The following PCDHGA6 variants were observed in gnomAD, a reference collection of about 807,000 sequenced individuals.
PCDHGA6 encodes the protein protocadherin gamma-A6.
Under a neutral mutation model 60.6 loss-of-function variants are expected in PCDHGA6, and 41 were observed. The ratio of observed to expected loss-of-function variants is 0.68; its 90% CI spans 0.53 to 0.88. PCDHGA6 has a LOEUF of 0.88. Ranked by LOEUF, PCDHGA6 falls within the 40% of genes least tolerant of loss-of-function variation. The probability of loss-of-function intolerance (pLI) is 0.00; values close to 1 mark genes in which losing one functional copy is unlikely to be tolerated. For missense variants in PCDHGA6, 1,312 were observed against 1,203.0 expected (o/e 1.09, Z -1.34); for synonymous variants, 594 against 524.4 (o/e 1.13, Z -1.81).
In PCDHGA6 at chr5:141,487,917, CTACAGTGCACAGGG is replaced by C; in HGVS notation, c.2425-6879_2425-6866del. On this transcript the variant is annotated intron_variant, in intron 1 of 3. Coordinates refer to ENST00000517434, the MANE Select transcript of PCDHGA6 (RefSeq NM_018919.3). The surrounding 1 kb of genome is among the most constrained non-coding windows in gnomAD (Gnocchi z 5.0). ...TGATGGAATGTGGGAGCACAGGAGG[CTACAGTGCACAGGG>C]TACAGTGCACCAGGCAGTCACTTGG... 1 of 647,994 alleles carries C rather than the reference CTACAGTGCACAGGG, an allele frequency of 1.5e-6. No homozygotes were observed. The highest frequency in any genetic ancestry group is 2.7e-6 in the Non-Finnish European group (1 of 377,182). 40.1% of individuals were successfully genotyped at this position (647,994 alleles called of 1,614,324 possible).
chr5:141,449,537 C>T (rs1377909573), intron 1 of PCDHGA6, among the ~76,000 whole-genome samples: 1 of 146,330 alleles, frequency 6.8e-6, no homozygotes, highest in Non-Finnish European at 1.5e-5. Flanking sequence ...TGCAGTGAGC[C>T]GAGATCGCAC....
Position 141,506,991 on chromosome 5 carries a change from C to T in PCDHGA6, c.2572+1510C>T, listed in dbSNP as rs190455068. 3 of 152,366 alleles carry T rather than the reference C, an allele frequency of 2.0e-5. No homozygotes were observed. In the East Asian group the frequency reaches 5.8e-4, roughly 29 times the overall value. The allele number at this position is 152,366 out of a possible 1,614,324, so 9.4% of individuals were successfully genotyped here. A position where few individuals can be genotyped will look rare whatever the true frequency, so the allele number is the denominator to read the frequency against. The stretch of plus-strand genomic sequence containing the variant: ...TGCAAGGCAGGTCTGATTTCTCACA[C>T]TCGACAGATGAGAGAACCGAGAAGG... On this transcript the variant is annotated intron_variant, in intron 3 of 3. Coordinates refer to ENST00000517434, the MANE Select transcript of PCDHGA6 (RefSeq NM_018919.3).
chr5:141,511,276 T>A lies in PCDHGA6; in HGVS notation c.*103T>A. ...AGAGTTTCAGGGCTAACCCCCAGAA[T>A]ACTGGTAGGGGCCAAGGCCATGCTC... On this transcript the variant is annotated 3_prime_UTR_variant, in exon 4 of 4. Coordinates refer to ENST00000517434, the MANE Select transcript of PCDHGA6 (RefSeq NM_018919.3). 6.5e-7 allele frequency: 1 copy of A among 1,538,086 alleles called. No homozygotes were observed. Among genetic ancestry groups the A allele is most frequent in the Non-Finnish European group, 8.8e-7 (1 of 1,140,722 alleles).
chr5:141,502,655 C>T (rs72790073), intron 2 of PCDHGA6, among the ~76,000 whole-genome samples: 29,437 of 152,034 alleles, frequency 0.19, 2,877 homozygotes, highest in Middle Eastern at 0.24. Context: ...AGGCAGCAAC[C>T]CTTCATGCAA....
intron 1 of PCDHGA6, among the ~76,000 whole-genome samples, chr5:141,483,517 CCTGA>C (rs72004558): frequency 0.16 from 24,470 of 151,950 alleles, 2,064 homozygotes; most frequent in African/African-American, 0.21. Context: ...CCCCCTAGAT[CCTGA>C]CTAAGGAAGC....
At chr5:141,472,455 G>A (rs191633108) in intron 1 of PCDHGA6, among the ~76,000 whole-genome samples, 2 of 151,972 alleles carry the variant, frequency 1.3e-5, no homozygotes, top group South Asian at 2.1e-4. Context: ...CAGGAGAATC[G>A]CTTGAACCCA....
At chr5:141,494,979 T>C in intron 2 of PCDHGA6, 114 bp downstream of exon 2, 1 of 1,571,464 alleles carries the variant, frequency 6.4e-7, no homozygotes, top group Admixed American at 1.8e-5. Flanking sequence ...TCCCTCAGTT[T>C]GAGATCCCAG....
chr5:141,461,778 C>CA (rs1280703059), intron 1 of PCDHGA6, among the ~76,000 whole-genome samples: 6 of 152,052 alleles, frequency 3.9e-5, no homozygotes, highest in Non-Finnish European at 7.4e-5. Context: ...CTCAGCCTCC[C>CA]AAGTAGCTGG....
Position 141,476,387 on chromosome 5 carries a change from C to G in PCDHGA6, c.2425-18420C>G, listed in dbSNP as rs147660262. Reference sequence around the variant, plus strand: ...GACCGGAGAGATGTTTGTGAACGACCGTCTGGATCGAGAGGAGCTGTGTGG... The same window carrying G: ...GACCGGAGAGATGTTTGTGAACGACGGTCTGGATCGAGAGGAGCTGTGTGG... On this transcript the variant is annotated intron_variant, in intron 1 of 3. Coordinates refer to ENST00000517434, the MANE Select transcript of PCDHGA6 (RefSeq NM_018919.3). The surrounding 1 kb of genome is among the most constrained non-coding windows in gnomAD (Gnocchi z 7.6). 3.6e-4 allele frequency: 587 copies of G among 1,614,076 alleles called. No individual in the cohort carries two copies. The highest frequency in any genetic ancestry group is 4.7e-4 in the Non-Finnish European group (549 of 1,180,024).
chr5:141,375,763 C>G lies in PCDHGA6; in HGVS notation c.1680C>G (p.Pro560=). 6.2e-7 allele frequency: 1 copy of G among 1,614,242 alleles called. No homozygotes were observed. Among genetic ancestry groups the G allele is most frequent in the South Asian group, 1.1e-5 (1 of 91,086 alleles). The change falls in exon 1 of 4, where the codon CCC becomes CCG. Residue 560 remains proline (P), a synonymous_variant. Coordinates refer to ENST00000517434, the MANE Select transcript of PCDHGA6 (RefSeq NM_018919.3). ...TGCTGGACCAGAATGACAATGCGCC[C>G]GAGATCCTGTACCCCGCCCTCCCCA... is the stretch of plus-strand genomic sequence containing the variant. The part of the protein sequence containing the change: ...LFVLDQNDNA[P]EILYPALPTD...
intron 1 of PCDHGA6, chr5:141,427,746 T>A: frequency 7.9e-7 from 1 of 1,272,038 alleles, no homozygotes; most frequent in African/African-American, 1.5e-5. Flanking sequence ...AGTCTCCTAC[T>A]CCATCGTTAC....
chr5:141,394,802 C>A, intron 1 of PCDHGA6: 1 of 1,613,810 alleles, frequency 6.2e-7, no homozygotes, highest in East Asian at 2.2e-5. Context: ...TCACCGTAGC[C>A]GTGGCTGACA....
chr5:141,381,826 C>CTTCTTTTTTTTTTTTTT (rs1777532522), intron 1 of PCDHGA6, among the ~76,000 whole-genome samples: 2 of 74,284 alleles, frequency 2.7e-5, no homozygotes, highest in African/African-American at 1.2e-4. Flanking sequence ...CTTTCTTCTT[C>CTTCTTTTTTTTTTTTTT]TTTTTTTTTT....
chr5:141,464,260 G>A (rs546781463), intron 1 of PCDHGA6, among the ~76,000 whole-genome samples: 1 of 131,668 alleles, frequency 7.6e-6, no homozygotes, highest in Non-Finnish European at 1.6e-5. Flanking sequence ...GCGAGACTCC[G>A]TCTAAAAAAA....
intron 1 of PCDHGA6, among the ~76,000 whole-genome samples, chr5:141,463,726 A>G (rs6888081): frequency 0.29 from 44,573 of 151,836 alleles, 7,596 homozygotes; most frequent in African/African-American, 0.48. Flanking sequence ...GATTACAGGC[A>G]TGAGCCACCG....
chr5:141,401,096 C>A (rs1193628525), intron 1 of PCDHGA6, among the ~76,000 whole-genome samples: 1 of 152,160 alleles, frequency 6.6e-6, no homozygotes, highest in Non-Finnish European at 1.5e-5. Context: ...GTAATCCCAG[C>A]ACTTTGGGAG....
chr5:141,441,230 ATTTAAATCACAAGATC>A (rs1009424536), intron 1 of PCDHGA6: 1 of 152,196 alleles, frequency 6.6e-6, no homozygotes, highest in African/African-American at 2.4e-5. Context: ...ACTGTCCAGG[ATTTAAATCACAAGATC>A]TTTAAATCAC....
At chr5:141,384,417 C>CATGGAG (rs1451567690) in intron 1 of PCDHGA6, 1 of 1,613,844 alleles carries the variant, frequency 6.2e-7, no homozygotes, top group East Asian at 2.2e-5. Flanking sequence ...CCTATGTCTC[C>CATGGAG]ATAAACTCTG....
intron 1 of PCDHGA6, among the ~76,000 whole-genome samples, chr5:141,381,974 C>A (rs1049134937): frequency 6.6e-6 from 1 of 151,492 alleles, no homozygotes; most frequent in Non-Finnish European, 1.5e-5. Flanking sequence ...GGATTACAGG[C>A]GCGCGCCACC....
Sources: allele counts gnomAD v4.1 joint callset (sites outside exome capture counted in the v4.1 genomes callset), GRCh38; gene constraint gnomAD v4.1.1; non-coding constraint Gnocchi (gnomAD v3.1); transcripts MANE v1.5; gene names NCBI Gene and HGNC (gene_info 2026-07-23, HGNC 2026-07-21).